The following TM9SF4 variants were observed in gnomAD, a reference collection of about 807,000 sequenced individuals.
The protein encoded by TM9SF4 is dinucleotide oxidase disulfide thiol exchanger 3 superfamily member 4.
TM9SF4 carries 26 observed loss-of-function variants against 90.4 expected under a neutral mutation model. The observed-to-expected ratio is 0.29, with a 90% CI of 0.21 to 0.40. The LOEUF is 0.40. TM9SF4 is among the 10% of genes least tolerant of loss of function. The pLI is 1.00. For synonymous variants in TM9SF4, 293 were observed against 315.4 expected (o/e 0.93, Z 0.75); for missense variants, 549 against 834.8 (o/e 0.66, Z 4.22).
intron 1 of TM9SF4, among the ~76,000 whole-genome samples, chr20:32,111,648 A>G (rs1300594691): frequency 3.9e-5 from 6 of 152,218 alleles, no homozygotes. Flanking sequence ...ATTAGGGGTG[A>G]CTGGGTGACA....
intron 1 of TM9SF4, among the ~76,000 whole-genome samples, chr20:32,124,009 C>G (rs1278303350): frequency 6.6e-6 from 1 of 151,566 alleles, no homozygotes. Context: ...TCTGCAAGCC[C>G]ACTTCACCAT....
intron 15 of TM9SF4, 51 bp from the exon 16 acceptor site, chr20:32,159,941 G>A: frequency 3.1e-6 from 5 of 1,612,212 alleles, no homozygotes; most frequent in Non-Finnish European, 4.2e-6. Flanking sequence ...TGTGCCAGGG[G>A]AAGGGGAGCA....
chr20:32,151,921 G>A (rs1251417139), intron 12 of TM9SF4, among the ~76,000 whole-genome samples: 1 of 151,582 alleles, frequency 6.6e-6, no homozygotes, highest in Non-Finnish European at 1.5e-5. Context: ...GAGTGCAGTG[G>A]TGTGATCTTG....
At chr20:32,124,369 C>G (rs1156917539) in intron 1 of TM9SF4, among the ~76,000 whole-genome samples, 1 of 152,180 alleles carries the variant, frequency 6.6e-6, no homozygotes, top group Non-Finnish European at 1.5e-5. Flanking sequence ...AGCAGTTCAT[C>G]TGTGGCAGTA....
At chr20:32,150,530 C>A in intron 10 of TM9SF4, 92 bp from the exon 11 acceptor site, 1 of 1,498,238 alleles carries the variant, frequency 6.7e-7, no homozygotes, top group Non-Finnish European at 9.2e-7. Flanking sequence ...GTCAGCCTGT[C>A]CAAGGTGGGC....
chr20:32,112,677 G>C (rs1034656008), intron 1 of TM9SF4, among the ~76,000 whole-genome samples: 2 of 139,980 alleles, frequency 1.4e-5, no homozygotes, highest in African/African-American at 5.5e-5. Context: ...CTGGGTGACA[G>C]AGTGAGACCC....
chr20:32,125,516 C>T (rs2122349053), intron 1 of TM9SF4, among the ~76,000 whole-genome samples: 1 of 152,222 alleles, frequency 6.6e-6, no homozygotes, highest in East Asian at 1.9e-4. Flanking sequence ...GCTAGAAGTG[C>T]ACATTCTCAG....
chr20:32,112,552 G>C (rs888298984), intron 1 of TM9SF4, among the ~76,000 whole-genome samples: 1 of 151,810 alleles, frequency 6.6e-6, no homozygotes, highest in Non-Finnish European at 1.5e-5. Context: ...AAATTAGCAG[G>C]GTGTGGTGGC....
At chr20:32,148,462 A>C (rs2046794616) in intron 9 of TM9SF4, among the ~76,000 whole-genome samples, 1 of 152,070 alleles carries the variant, frequency 6.6e-6, no homozygotes, top group South Asian at 2.1e-4. Flanking sequence ...TCGTGCCTGT[A>C]ATCCCAGCAC....
chr20:32,163,713 G>A (rs2047060891), intron 17 of TM9SF4, among the ~76,000 whole-genome samples: 1 of 150,116 alleles, frequency 6.7e-6, no homozygotes, highest in African/African-American at 2.5e-5. Flanking sequence ...CCGGGTTCCA[G>A]CGATTCTCCT....
chr20:32,141,721 G>T (rs767437742), intron 4 of TM9SF4, 45 bp from the exon 5 acceptor site: 3 of 1,613,216 alleles, frequency 1.9e-6, no homozygotes, highest in Middle Eastern at 3.3e-4. Context: ...GGACACTGAC[G>T]GGAGAGGCGG....
chr20:32,122,815 G>A (rs1332056690), intron 1 of TM9SF4, among the ~76,000 whole-genome samples: 3 of 152,100 alleles, frequency 2.0e-5, no homozygotes. Context: ...GGCCAAGACA[G>A]GCGGCTGGGA....
chr20:32,137,103 G>T (rs2046605574), intron 3 of TM9SF4: 6 of 452,746 alleles, frequency 1.3e-5, no homozygotes, highest in Non-Finnish European at 2.2e-5. Context: ...GTCTTGCCTT[G>T]TAGCGTTGAA....
At chr20:32,114,822 G>T (rs1324798383) in intron 1 of TM9SF4, among the ~76,000 whole-genome samples, 3 of 152,192 alleles carry the variant, frequency 2.0e-5, no homozygotes, top group Non-Finnish European at 4.4e-5. Context: ...AGCAGCCTGG[G>T]CTTGGTCCCA....
intron 2 of TM9SF4, among the ~76,000 whole-genome samples, chr20:32,134,933 A>G (rs1235175244): frequency 6.6e-6 from 1 of 152,178 alleles, no homozygotes; most frequent in Non-Finnish European, 1.5e-5. Flanking sequence ...TCACCCTCCC[A>G]AAATGCTGGG....
intron 1 of TM9SF4, among the ~76,000 whole-genome samples, chr20:32,112,670 G>A (rs2046161589): frequency 6.7e-6 from 1 of 149,962 alleles, no homozygotes; most frequent in South Asian, 2.1e-4. Flanking sequence ...CTGCAGCCTG[G>A]GTGACAGAGT....
chr20:32,147,305 A>G (rs2046777487), intron 9 of TM9SF4, among the ~76,000 whole-genome samples: 1 of 152,200 alleles, frequency 6.6e-6, no homozygotes, highest in South Asian at 2.1e-4. Flanking sequence ...TAAAAATGTA[A>G]TACCAAAAAA....
chr20:32,131,481 A>AGTGTGTGTGTGTGTGTGTGT (rs10524812), intron 1 of TM9SF4, among the ~76,000 whole-genome samples: 29 of 147,658 alleles, frequency 2.0e-4, no homozygotes, highest in African/African-American at 6.8e-4. Flanking sequence ...GAGTCATCAG[A>AGTGTGTGTGTGTGTGTGTGT]GTGTGTGTGT....
chr20:32,126,640 C>T (rs1217010361), intron 1 of TM9SF4, among the ~76,000 whole-genome samples: 2 of 152,182 alleles, frequency 1.3e-5, no homozygotes, highest in East Asian at 3.8e-4. Context: ...TGTCTCCCCA[C>T]CCGCCTGAAA....
Sources: allele counts gnomAD v4.1 joint callset (sites outside exome capture counted in the v4.1 genomes callset), GRCh38; gene constraint gnomAD v4.1.1; transcripts MANE v1.5; gene names NCBI Gene and HGNC (gene_info 2026-07-23, HGNC 2026-07-21).